Variants in PDXDC1 observed in about 807,000 individuals in gnomAD.
The protein encoded by PDXDC1 is pyridoxal-dependent decarboxylase domain-containing protein 1.
A neutral mutation model predicts 100.1 loss-of-function variants in PDXDC1; 42 were observed. The observed-to-expected ratio is 0.42, with a 90% CI of 0.33 to 0.54. PDXDC1 has a LOEUF of 0.54. PDXDC1 is among the 20% of genes least tolerant of loss of function. PDXDC1 has a pLI of 0.10. For missense variants in PDXDC1, 636 were observed against 979.2 expected, an observed-to-expected ratio of 0.65 and a Z score of 4.68; for synonymous variants, 260 against 371.7, an observed-to-expected ratio of 0.70 and a Z score of 3.46.
intron 16 of PDXDC1, among the ~76,000 whole-genome samples, chr16:15,072,267 A>C (rs2045269051): frequency 2.0e-5 from 3 of 152,016 alleles, no homozygotes; most frequent in Non-Finnish European, 4.4e-5. Flanking sequence ...AAAAAGAAGA[A>C]GAAGAAGAAA....
chr16:15,142,126 T>G (rs2048485052), downstream of PDXDC1, among the ~76,000 whole-genome samples: 1 of 152,080 alleles, frequency 6.6e-6, no homozygotes, highest in Non-Finnish European at 1.5e-5. Context: ...AGGAAAAGCC[T>G]GAAGATGTTT....
intron 16 of PDXDC1, chr16:15,076,547 A>G (rs891769220): frequency 8.9e-6 from 14 of 1,578,684 alleles, no homozygotes; most frequent in Non-Finnish European, 1.1e-5. Flanking sequence ...TTTCATTAAT[A>G]AACTGCTAAC....
chr16:15,019,772 A>T (rs1226841352), intron 12 of PDXDC1, among the ~76,000 whole-genome samples: 1 of 152,276 alleles, frequency 6.6e-6, no homozygotes, highest in African/African-American at 2.4e-5. Flanking sequence ...AGGTTTCCAC[A>T]TAGGAATTTT....
At chr16:15,006,930 T>C (rs925436787) in intron 6 of PDXDC1, among the ~76,000 whole-genome samples, 3 of 152,402 alleles carry the variant, frequency 2.0e-5, no homozygotes, top group African/African-American at 7.2e-5. Flanking sequence ...TTTAATGTCT[T>C]CATGGTATTC....
At chr16:15,149,164 C>A in the PDXDC1 span, among the ~76,000 whole-genome samples, 1 of 152,184 alleles carries the variant, frequency 6.6e-6, no homozygotes, top group East Asian at 1.9e-4. Flanking sequence ...CTACCCCTGC[C>A]CCCGAGTCAC....
At chr16:15,061,708 T>A (rs767221274) in intron 16 of PDXDC1, 1 of 1,588,068 alleles carries the variant, frequency 6.3e-7, no homozygotes, top group South Asian at 1.1e-5. Context: ...TGATGGGGAA[T>A]CCCAAATGTC....
intron 8 of PDXDC1, among the ~76,000 whole-genome samples, chr16:15,013,126 C>T (rs2041467437): frequency 6.6e-6 from 1 of 151,638 alleles, no homozygotes; most frequent in African/African-American, 2.4e-5. Context: ...GGTGAGATCG[C>T]ACCACTGCAC....
chr16:15,061,119 C>T (rs1015052165), intron 16 of PDXDC1: 3 of 152,192 alleles, frequency 2.0e-5, no homozygotes, highest in African/African-American at 7.2e-5. Context: ...TTTTATTGGT[C>T]TCTGAAGTCC....
At position 14,987,501 on chromosome 16, in the gene PDXDC1, A is replaced by T. The variant is rs530619798; in HGVS notation, c.22-10252A>T. 1.2e-4 allele frequency among the ~76,000 whole-genome samples: 18 copies of T among 152,414 alleles called. No homozygotes were observed. The South Asian group carries it at 3.3e-3, about 28-fold the overall frequency. On this transcript the variant is annotated intron_variant, in intron 1 of 22. Transcript: ENST00000396410. ...CCAGTAAGTATTAGTAATTATAAGG[A>T]TCATAAATCTGATTGAATATTTACT... is the stretch of plus-strand genomic sequence containing the variant.
At chr16:15,088,869 T>C (rs1005403884) in intron 16 of PDXDC1, among the ~76,000 whole-genome samples, 1 of 151,788 alleles carries the variant, frequency 6.6e-6, no homozygotes, top group African/African-American at 2.4e-5. Context: ...GTGTGGGAAA[T>C]GGACTCAATG....
At chr16:15,129,471 G>C (rs1417851444) in intron 16 of PDXDC1, among the ~76,000 whole-genome samples, 1 of 152,224 alleles carries the variant, frequency 6.6e-6, no homozygotes, top group Non-Finnish European at 1.5e-5. Context: ...AAAAGGGAAT[G>C]CCAGAAGGGC....
At chr16:15,063,861 T>C (rs887328213) in intron 16 of PDXDC1, among the ~76,000 whole-genome samples, 21 of 152,220 alleles carry the variant, frequency 1.4e-4, no homozygotes, top group African/African-American at 3.1e-4. Context: ...TGTGAAATTG[T>C]TTCTAAACTT....
At chr16:15,061,555 G>T in intron 16 of PDXDC1, 1 of 484,000 alleles carries the variant, frequency 2.1e-6, no homozygotes. Context: ...TGTCTGTAAG[G>T]GGAACAACAA....
chr16:15,114,226 CA>C (rs1199335261), intron 16 of PDXDC1, among the ~76,000 whole-genome samples: 2 of 146,908 alleles, frequency 1.4e-5, no homozygotes, highest in Non-Finnish European at 3.0e-5. Context: ...TATTTTTGAC[CA>C]AAAGCTCTGT....
chr16:15,122,801 T>G (rs1157590544), intron 16 of PDXDC1, among the ~76,000 whole-genome samples: 1 of 69,966 alleles, frequency 1.4e-5, no homozygotes, highest in Non-Finnish European at 2.8e-5. Flanking sequence ...GGACGGGGAC[T>G]GGGCGGGATC....
intron 8 of PDXDC1, 125 bp from the exon 9 acceptor site, chr16:15,016,004 C>A: frequency 6.7e-7 from 1 of 1,491,422 alleles, no homozygotes; most frequent in Non-Finnish European, 8.9e-7. Context: ...CAAAGAAAAT[C>A]TCAATAAAAT....
intron 16 of PDXDC1, among the ~76,000 whole-genome samples, chr16:15,079,327 T>C (rs2045600716): frequency 1.3e-5 from 2 of 152,212 alleles, no homozygotes; most frequent in African/African-American, 4.8e-5. Flanking sequence ...GTTTTAACTG[T>C]TTATAATTAT....
At chr16:14,985,080 T>C (rs1969020956) in intron 1 of PDXDC1, among the ~76,000 whole-genome samples, 1 of 152,274 alleles carries the variant, frequency 6.6e-6, no homozygotes, top group East Asian at 2.0e-4. Context: ...GGTTTTACCA[T>C]CTTGGCCAGG....
At chr16:14,991,268 T>C (rs1201259474) in intron 1 of PDXDC1, among the ~76,000 whole-genome samples, 1 of 558 alleles carries the variant, frequency 1.8e-3, no homozygotes, top group Admixed American at 0.062. Flanking sequence ...TATATAGATA[T>C]GTGTGTGTGT....
Sources: allele counts gnomAD v4.1 joint callset (sites outside exome capture counted in the v4.1 genomes callset), GRCh38; gene constraint gnomAD v4.1.1; transcripts MANE v1.5; gene names NCBI Gene and HGNC (gene_info 2026-07-23, HGNC 2026-07-21).